The following MTUS2 variants were observed in gnomAD, a reference collection of about 807,000 sequenced individuals.
The protein encoded by MTUS2 is microtubule-associated tumor suppressor candidate 2.
In MTUS2, 40 loss-of-function variants were observed where a neutral mutation model predicts 114.1. The ratio of observed to expected loss-of-function variants is 0.35; its 90% confidence interval spans 0.27 to 0.46. The LOEUF (loss-of-function observed/expected upper bound fraction) is 0.46, where lower values mean the gene tolerates loss of function less well. MTUS2 is among the 20% of genes least tolerant of loss of function. MTUS2 has a pLI of 1.00. For missense variants in MTUS2, 1,679 were observed against 1,705.4 expected (o/e 0.98, Z 0.27); for synonymous variants, 688 against 672.0 (o/e 1.02, Z -0.37).
chr13:29,195,545 A>G (rs1259216057), intron 5 of MTUS2, among the ~76,000 whole-genome samples: 9 of 148,842 alleles, frequency 6.0e-5, no homozygotes, highest in African/African-American at 2.2e-4. Flanking sequence ...TTCTGAAAAA[A>G]AAAAAAAAAA....
At chr13:28,951,958 C>T (rs929358170) in intron 2 of MTUS2, among the ~76,000 whole-genome samples, 5 of 152,066 alleles carry the variant, frequency 3.3e-5, no homozygotes, top group African/African-American at 1.2e-4. Flanking sequence ...TGTTGAAGGG[C>T]AGGGCTGGTG....
chr13:28,896,495 C>G (rs1338262135), intron 2 of MTUS2, among the ~76,000 whole-genome samples: 2 of 152,132 alleles, frequency 1.3e-5, no homozygotes, highest in Non-Finnish European at 2.9e-5. Flanking sequence ...TTTATAGATT[C>G]AATGCCATCC....
chr13:29,050,140 C>T (rs1402717680), intron 4 of MTUS2, among the ~76,000 whole-genome samples: 5 of 152,196 alleles, frequency 3.3e-5, no homozygotes, highest in Non-Finnish European at 7.3e-5. Flanking sequence ...TGCTAGGCCC[C>T]AGATTCAAGA....
At chr13:29,317,435 T>TAG (rs1437791957) in intron 6 of MTUS2, among the ~76,000 whole-genome samples, 59 of 52,120 alleles carry the variant, frequency 1.1e-3, no homozygotes, top group South Asian at 3.4e-3. Context: ...TCTCTCTCTT[T>TAG]TTTTTTTTTT....
Position 29,092,074 on chromosome 13 carries a change from G to A in MTUS2, c.2447-8699G>A, listed in dbSNP as rs191973241. Among the ~76,000 whole-genome samples the A allele has an allele frequency of 5.4e-4, 82 of 152,346 alleles. 2 individuals are homozygous for A. The highest frequency in any genetic ancestry group is 1.5e-3 in the Admixed American group (23 of 15,310). The stretch of plus-strand genomic sequence containing the variant: ...TTAGATGTCAAGAGTGATTATGATA[G>A]CAGCAGGAGGCAGTCAAATGCCTAG... On this transcript the variant is annotated intron_variant, in intron 4 of 15. Coordinates refer to ENST00000612955, the MANE Select transcript of MTUS2 (RefSeq NM_001033602.4).
rs3121755 is a variant in MTUS2 at position 29,391,503 on chromosome 13, G to T, written c.3117+32030G>T. Among the ~76,000 whole-genome samples the T allele has an allele frequency of 4.0e-3, 612 of 152,148 alleles. 4 individuals carry two copies. The highest frequency in any genetic ancestry group is 0.014 in the African/African-American group (575 of 41,534). ...GAGCTGCATGTAATGCCCAGAAGGAGAAGTCAAATAGGTCTGATTCTTTAT... is the reference window on the plus strand; with the variant it reads ...GAGCTGCATGTAATGCCCAGAAGGATAAGTCAAATAGGTCTGATTCTTTAT... On this transcript the variant is annotated intron_variant, in intron 8 of 15. Transcript: ENST00000612955.
chr13:29,304,919 A>C (rs925707700), intron 6 of MTUS2, among the ~76,000 whole-genome samples: 2 of 152,186 alleles, frequency 1.3e-5, no homozygotes, highest in Non-Finnish European at 2.9e-5. Context: ...GTAAAAAAAA[A>C]CAACAAATCA....
chr13:28,947,018 C>T (rs1882567470), intron 2 of MTUS2, among the ~76,000 whole-genome samples: 1 of 152,208 alleles, frequency 6.6e-6, no homozygotes, highest in Admixed American at 6.5e-5. Flanking sequence ...CCACAGTTTA[C>T]AAACATTACA....
At chr13:28,956,790 G>A (rs1334619274) in intron 2 of MTUS2, among the ~76,000 whole-genome samples, 3 of 152,102 alleles carry the variant, frequency 2.0e-5, no homozygotes, top group African/African-American at 7.2e-5. Flanking sequence ...GAAGAAGGCT[G>A]CCCTAGAGAT....
intron 4 of MTUS2, among the ~76,000 whole-genome samples, chr13:29,047,369 G>C (rs1295759305): frequency 1.3e-5 from 2 of 152,062 alleles, no homozygotes; most frequent in Admixed American, 1.3e-4. Context: ...TTAAAGATAG[G>C]ACATTCTGAT....
At chr13:28,978,255 ATCT>A (rs1884206394) in intron 2 of MTUS2, among the ~76,000 whole-genome samples, 1 of 152,262 alleles carries the variant, frequency 6.6e-6, no homozygotes, top group South Asian at 2.1e-4. Flanking sequence ...TAGATTTAAG[ATCT>A]TCTTACATCA....
At position 29,294,979 on chromosome 13, in the gene MTUS2, G is replaced by A. The variant is rs529063121; in HGVS notation, c.2806+13114G>A. ...CTTCTTGGAAATGTGCAGGGTTTAA[G>A]CAATTCAAGCCTGCTTAGTTATTCC... On this transcript the variant is annotated intron_variant, in intron 6 of 15. Transcript: ENST00000612955. 2.1e-4 allele frequency among the ~76,000 whole-genome samples: 32 copies of A among 152,338 alleles called. No homozygotes were observed. The South Asian group carries it at 5.2e-3, about 25-fold the overall frequency.
chr13:29,415,655 A>G (rs933261987), intron 8 of MTUS2, among the ~76,000 whole-genome samples: 1 of 152,194 alleles, frequency 6.6e-6, no homozygotes, highest in Admixed American at 6.5e-5. Flanking sequence ...AGCTGAACAG[A>G]AAATGTGTTT....
intron 2 of MTUS2, among the ~76,000 whole-genome samples, chr13:28,897,120 G>A (rs1198129025): frequency 6.6e-6 from 1 of 152,100 alleles, no homozygotes; most frequent in Non-Finnish European, 1.5e-5. Flanking sequence ...CAGGCAACCT[G>A]CAGAATAGGA....
chr13:29,467,750 C>T (rs1361345162), intron 9 of MTUS2, among the ~76,000 whole-genome samples: 1 of 152,298 alleles, frequency 6.6e-6, no homozygotes, highest in South Asian at 2.1e-4. Flanking sequence ...AGGTTATAAC[C>T]TTGCAATTAT....
At chr13:29,247,459 G>A (rs970945699) in intron 5 of MTUS2, among the ~76,000 whole-genome samples, 8 of 152,180 alleles carry the variant, frequency 5.3e-5, no homozygotes, top group Admixed American at 3.3e-4. Flanking sequence ...AATCAGCAAA[G>A]TAAACAGACA....
At chr13:29,206,486 C>A (rs1242025410) in intron 5 of MTUS2, among the ~76,000 whole-genome samples, 1 of 152,168 alleles carries the variant, frequency 6.6e-6, no homozygotes, top group East Asian at 1.9e-4. Context: ...CTTGCCTAAG[C>A]CAATGTCTAG....
At chr13:29,033,840 T>G in intron 3 of MTUS2, 45 bp from the exon 4 acceptor site, 1 of 1,609,438 alleles carries the variant, frequency 6.2e-7, no homozygotes, top group Non-Finnish European at 8.5e-7. Context: ...GAACTCACAC[T>G]ATGATGTGAA....
chr13:29,397,854 T>C (rs1467570293), intron 8 of MTUS2, among the ~76,000 whole-genome samples: 1 of 152,244 alleles, frequency 6.6e-6, no homozygotes, highest in Non-Finnish European at 1.5e-5. Flanking sequence ...CTCAAACCAG[T>C]AATCCTCTTT....
Sources: gnomAD v4.1 joint callset for allele counts (sites outside exome capture counted in the v4.1 genomes callset) on GRCh38, gnomAD v4.1.1 for gene constraint, MANE v1.5 for transcripts, NCBI Gene and HGNC (gene_info 2026-07-23, HGNC 2026-07-21) for gene names.